Variants in HDAC9 observed in about 807,000 individuals in gnomAD.
HDAC9 encodes the protein histone deacetylase 9.
Under a neutral mutation model 139.4 loss-of-function variants are expected in HDAC9, and 41 were observed. The observed-to-expected ratio is 0.29, with a 90% CI of 0.23 to 0.38. The LOEUF (loss-of-function observed/expected upper bound fraction) is 0.38. Among genes scored for constraint, HDAC9 ranks in the 10% least tolerant of loss-of-function variants. The pLI is 1.00. For missense variants in HDAC9, 1,147 were observed against 1,297.0 expected, an observed-to-expected ratio of 0.88 and a Z score of 1.78; for synonymous variants, 517 against 476.2, an observed-to-expected ratio of 1.09 and a Z score of -1.12.
chr7:18,458,945 G>T (rs1793595731), intron 1 of HDAC9: 1 of 1,368,930 alleles, frequency 7.3e-7, no homozygotes, highest in Non-Finnish European at 1.0e-6. Context: ...CTTGGGAGTA[G>T]AGCTGAACAT....
chr7:18,483,291 C>T (rs1795723419), intron 1 of HDAC9, among the ~76,000 whole-genome samples: 1 of 152,034 alleles, frequency 6.6e-6, no homozygotes, highest in African/African-American at 2.4e-5. Context: ...TCATCTTAAG[C>T]AACTAGAAAG....
rs74939700 is a variant in HDAC9 at position 18,731,496 on chromosome 7, C to T, written c.1909+3739C>T. 8.0e-3 allele frequency among the ~76,000 whole-genome samples: 1,219 copies of T among 152,260 alleles called. 8 individuals are homozygous for T. Among genetic ancestry groups the T allele is most frequent in the Non-Finnish European group, 0.013 (910 of 68,024 alleles). Reference sequence around the variant, plus strand: ...GCCCACTGGATTAGGCACACAACTCCCTTTTTGACAAGAACAAAAAATGTT... The same window carrying T: ...GCCCACTGGATTAGGCACACAACTCTCTTTTTGACAAGAACAAAAAATGTT... On this transcript the variant is annotated intron_variant, in intron 13 of 25. Transcript: ENST00000686413.
chr7:18,335,381 C>G (rs1395233618), intron 1 of HDAC9, among the ~76,000 whole-genome samples: 1 of 151,358 alleles, frequency 6.6e-6, no homozygotes, highest in African/African-American at 2.4e-5. Flanking sequence ...GGACGGTGAC[C>G]CAGAGATCCC....
chr7:18,384,032 C>T (rs1478967024), intron 1 of HDAC9, among the ~76,000 whole-genome samples: 1 of 151,984 alleles, frequency 6.6e-6, no homozygotes, highest in Non-Finnish European at 1.5e-5. Flanking sequence ...ACACATAGGC[C>T]AGGCATGGTG....
At position 18,313,849 on chromosome 7, in the gene HDAC9, TAAAC is replaced by T. The variant is rs372764608; in HGVS notation, c.-42+23337_-42+23340del. Among the ~76,000 whole-genome samples, 89 of 152,284 alleles carry T rather than the reference TAAAC, an allele frequency of 5.8e-4. 2 individuals carry two copies. In the East Asian group the frequency reaches 0.014, roughly 23 times the overall value. The stretch of plus-strand genomic sequence containing the variant: ...TAAGATTTTAAGTTAAAATAGAAAA[TAAAC>T]AATAAATCAAGTTGGACTGCAATCA... On this transcript the variant is annotated intron_variant, in intron 1 of 3. Transcript: ENST00000413509.
chr7:18,679,850 T>A (rs1168156999), intron 12 of HDAC9, among the ~76,000 whole-genome samples: 1 of 151,934 alleles, frequency 6.6e-6, no homozygotes, highest in African/African-American at 2.4e-5. Context: ...AATGCTTCTA[T>A]TTAAAGAGGT....
intron 6 of HDAC9, among the ~76,000 whole-genome samples, chr7:18,595,006 A>G (rs1157637971): frequency 1.3e-5 from 2 of 152,080 alleles, no homozygotes; most frequent in Non-Finnish European, 2.9e-5. Context: ...TTTCCCAAGC[A>G]ATTTTGAGAA....
At chr7:18,558,171 A>T (rs1035454771) in intron 2 of HDAC9, among the ~76,000 whole-genome samples, 3 of 152,148 alleles carry the variant, frequency 2.0e-5, no homozygotes, top group African/African-American at 7.2e-5. Context: ...ATCCATCATT[A>T]TTAATGGTTA....
intron 2 of HDAC9, among the ~76,000 whole-genome samples, chr7:18,233,122 T>C (rs1265802089): frequency 1.3e-5 from 2 of 152,164 alleles, no homozygotes; most frequent in Non-Finnish European, 2.9e-5. Context: ...AAGTACATCC[T>C]TCTGAACATT....
chr7:18,236,814 T>C (rs1164185427), intron 2 of HDAC9, among the ~76,000 whole-genome samples: 1 of 152,182 alleles, frequency 6.6e-6, no homozygotes, highest in Non-Finnish European at 1.5e-5. Flanking sequence ...TGAGTTTTCC[T>C]TGGCCTTTGG....
chr7:18,547,579 C>T (rs1030933830), intron 2 of HDAC9, among the ~76,000 whole-genome samples: 2 of 152,194 alleles, frequency 1.3e-5, no homozygotes, highest in Non-Finnish European at 2.9e-5. Context: ...AAGTTGGCTG[C>T]ATCGATTGAC....
intron 22 of HDAC9, among the ~76,000 whole-genome samples, chr7:18,886,904 T>G (rs1454114007): frequency 6.6e-6 from 1 of 152,248 alleles, no homozygotes; most frequent in Non-Finnish European, 1.5e-5. Flanking sequence ...TTTATTATGA[T>G]GATTGCTATA....
intron 1 of HDAC9, among the ~76,000 whole-genome samples, chr7:18,423,652 G>A (rs1002400535): frequency 4.6e-5 from 7 of 152,200 alleles, no homozygotes; most frequent in Admixed American, 2.6e-4. Context: ...GCCTAAGGTG[G>A]CCTTTCATTC....
At chr7:18,190,173 G>T (rs1415306005) in intron 2 of HDAC9, among the ~76,000 whole-genome samples, 1 of 152,090 alleles carries the variant, frequency 6.6e-6, no homozygotes, top group Non-Finnish European at 1.5e-5. Context: ...CAAAACTCCT[G>T]ACCTCAGTTG....
At chr7:18,323,186 A>G (rs997299049) in intron 1 of HDAC9, among the ~76,000 whole-genome samples, 8 of 152,166 alleles carry the variant, frequency 5.3e-5, no homozygotes, top group Admixed American at 1.3e-4. Context: ...GAACCCGTTC[A>G]GTCTCCCAGA....
chr7:18,174,881 A>C (rs1377431503), intron 2 of HDAC9, among the ~76,000 whole-genome samples: 1 of 152,092 alleles, frequency 6.6e-6, no homozygotes, highest in Non-Finnish European at 1.5e-5. Context: ...CCCTGCTGGG[A>C]GATGTCTCCC....
exon 1 of HDAC9, chr7:18,087,097 G>A (rs1334286219): frequency 1.3e-5 from 2 of 152,016 alleles, no homozygotes; most frequent in African/African-American, 2.4e-5. Context: ...TTTTGCTTCT[G>A]CCTCACCATT....
intron 12 of HDAC9, among the ~76,000 whole-genome samples, chr7:18,700,906 C>T (rs1210452072): frequency 6.6e-6 from 1 of 152,110 alleles, no homozygotes; most frequent in Non-Finnish European, 1.5e-5. Context: ...CAAATCACAT[C>T]CCACGGCCAA....
chr7:18,089,448 A>C (rs953273641), intron 1 of HDAC9, among the ~76,000 whole-genome samples: 1 of 152,062 alleles, frequency 6.6e-6, no homozygotes, highest in African/African-American at 2.4e-5. Context: ...TATGGTAGAA[A>C]GAGTTGTTTT....
Sources: allele counts gnomAD v4.1 joint callset (sites outside exome capture counted in the v4.1 genomes callset), GRCh38; gene constraint gnomAD v4.1.1; transcripts MANE v1.5; gene names NCBI Gene and HGNC (gene_info 2026-07-23, HGNC 2026-07-21).